NFKBIL1: variants seen among roughly 807,000 people sequenced by gnomAD.
NFKBIL1 encodes NF-kappa-B inhibitor-like protein 1.
In NFKBIL1, 30 loss-of-function variants were observed where a neutral mutation model predicts 45.4. The observed-to-expected ratio is 0.66, with a 90% CI of 0.49 to 0.90. NFKBIL1 has a LOEUF of 0.90. Ranked by LOEUF, NFKBIL1 falls within the 40% of genes least tolerant of loss-of-function variation. NFKBIL1 has a pLI of 0.00. For synonymous variants in NFKBIL1, 179 were observed against 197.3 expected, an observed-to-expected ratio of 0.91 and a Z score of 0.78; for missense variants, 434 against 513.4, an observed-to-expected ratio of 0.85 and a Z score of 1.49.
At chr6:31,553,524 C>T (rs1281621201) in intron 2 of NFKBIL1, among the ~76,000 whole-genome samples, 2 of 152,124 alleles carry the variant, frequency 1.3e-5, no homozygotes, top group South Asian at 4.1e-4. Flanking sequence ...GGCGGTATCA[C>T]GGTAAACTAC....
intron 2 of NFKBIL1, among the ~76,000 whole-genome samples, chr6:31,555,235 C>CTTTT (rs9279346): frequency 8.0e-5 from 10 of 125,196 alleles, no homozygotes; most frequent in Admixed American, 1.7e-4. Flanking sequence ...TATTTTTTTT[C>CTTTT]TTTTTTTTTT....
rs1017442981 is a variant in NFKBIL1 at position 31,558,031 on chromosome 6, C to T, written c.566C>T (p.Ser189Phe). The change falls in exon 4 of 4, where the codon TCC becomes TTC. Residue 189 changes from serine (S) to phenylalanine (F), a missense_variant. Around this residue, in one of 4 missense-constraint regions of NFKBIL1, gnomAD observed 231 missense variants for 264.1 expected, o/e 0.87. Transcript: ENST00000376148. The surrounding 1 kb of genome is among the most constrained non-coding windows in gnomAD (Gnocchi z 7.2). ...CCACCCTCCCAAACAGGTGATGCCT[C>T]CCATGAAACCCAGGAACCTGAGTCC... ...EVMGRFEGDA[S>F]HETQEPESFS... 5 of 1,588,812 alleles carry T rather than the reference C, an allele frequency of 3.1e-6. No homozygotes were observed. The highest frequency in any genetic ancestry group is 4.3e-6 in the Non-Finnish European group (5 of 1,162,772).
In NFKBIL1 at chr6:31,558,146, A is replaced by G; in HGVS notation, c.681A>G (p.Pro227=). ...QREAEGSRRP[P]RAEGSSQSWR... The stretch of plus-strand genomic sequence containing the variant: ...AAGCAGAGGGATCCCGTCGACCCCC[A>G]CGTGCTGAGGGCTCCAGCCAGAGCT... The change falls in exon 4 of 4, where the codon CCA becomes CCG. Residue 227 remains proline, a synonymous_variant. Coordinates refer to ENST00000376148, the MANE Select transcript of NFKBIL1 (RefSeq NM_005007.4). This position sits in a 1 kb window ranked among gnomAD's most constrained non-coding sequence, Gnocchi z 7.2. 1 of 1,611,656 alleles carries G rather than the reference A, an allele frequency of 6.2e-7. No homozygotes were observed. Among genetic ancestry groups the G allele is most frequent in the Non-Finnish European group, 8.5e-7 (1 of 1,179,556 alleles).
chr6:31,558,174 C>T lies in NFKBIL1; in HGVS notation c.709C>T (p.Arg237Ter). The T allele has an allele frequency of 6.2e-7, 1 of 1,609,818 alleles. No homozygotes were observed. Among genetic ancestry groups the T allele is most frequent in the Non-Finnish European group, 8.5e-7 (1 of 1,178,690 alleles). ...PRAEGSSQSWRQQEEEQRLFR... is the reference protein window; with the variant it reads ...PRAEGSSQSW ...TGCTGAGGGCTCCAGCCAGAGCTGG[C>T]GACAGCAGGAGGAGGAGCAGCGGCT... Residue 237 changes from arginine (R) to a stop codon, truncating the protein, a stop_gained, in exon 4 of 4, where the codon CGA (arginine) becomes TGA (stop). Transcript: ENST00000376148. LOFTEE classifies it high-confidence loss of function. The surrounding 1 kb of genome is among the most constrained non-coding windows in gnomAD (Gnocchi z 7.2).
At position 31,557,877 on chromosome 6, in the gene NFKBIL1, G is replaced by GC; in HGVS notation, c.556+31dup. On this transcript the variant is annotated intron_variant, in intron 3 of 3. Transcript: ENST00000376148. The surrounding 1 kb of genome is among the most constrained non-coding windows in gnomAD (Gnocchi z 5.4). ...GAGAAGTCCACTGCTATCCACAGCTGCCCTTCCCCACTGGCTGCTTTCCAT... is the reference window on the plus strand; with the variant it reads ...GAGAAGTCCACTGCTATCCACAGCTGCCCCTTCCCCACTGGCTGCTTTCCAT... 1 of 1,554,972 alleles carries GC rather than the reference G, an allele frequency of 6.4e-7. No homozygotes were observed. The highest frequency in any genetic ancestry group is 8.7e-7 in the Non-Finnish European group (1 of 1,143,758).
intron 2 of NFKBIL1, among the ~76,000 whole-genome samples, chr6:31,555,908 C>A (rs892453962): frequency 9.3e-5 from 14 of 151,270 alleles, no homozygotes; most frequent in African/African-American, 1.5e-4. Flanking sequence ...GTCCCCCCCC[C>A]CCAGCCTCCC....
intron 2 of NFKBIL1, among the ~76,000 whole-genome samples, chr6:31,556,202 G>A (rs915772768): frequency 1.4e-5 from 2 of 143,262 alleles, no homozygotes; most frequent in Non-Finnish European, 3.0e-5. Flanking sequence ...GTCTGTGACA[G>A]GTCACAGCAG....
intron 2 of NFKBIL1, among the ~76,000 whole-genome samples, chr6:31,550,577 G>A (rs2523500): frequency 0.69 from 104,287 of 151,990 alleles, 36,035 homozygotes; most frequent in South Asian, 0.77. Flanking sequence ...GCAAAAGAGC[G>A]GATTACCCCG....
At chr6:31,548,695 C>G (rs1769261178) in intron 2 of NFKBIL1, among the ~76,000 whole-genome samples, 1 of 152,182 alleles carries the variant, frequency 6.6e-6, no homozygotes, top group African/African-American at 2.4e-5. Flanking sequence ...TGTTTCTTGA[C>G]AGATTGTTTG....
chr6:31,558,636 C>T lies in NFKBIL1; in HGVS notation c.*25C>T, dbSNP rs1482819490. ...ACCCTAGGGAAGAAGCAAGAAACTT[C>T]GGGGCTGCAGCCTCAGGATGAGGCA... is the stretch of plus-strand genomic sequence containing the variant. On this transcript the variant is annotated 3_prime_UTR_variant, in exon 4 of 4. Coordinates refer to ENST00000376148, the MANE Select transcript of NFKBIL1 (RefSeq NM_005007.4). The surrounding 1 kb of genome is among the most constrained non-coding windows in gnomAD (Gnocchi z 7.2). 8.6e-6 allele frequency: 13 copies of T among 1,519,406 alleles called. 1 individual carries two copies. The highest frequency in any genetic ancestry group is 8.5e-5 in the South Asian group (7 of 82,388). 94.1% of individuals were successfully genotyped at this position (1,519,406 alleles called of 1,614,324 possible).
intron 2 of NFKBIL1, among the ~76,000 whole-genome samples, chr6:31,554,019 G>A (rs1455142142): frequency 1.3e-5 from 2 of 152,172 alleles, no homozygotes; most frequent in Non-Finnish European, 2.9e-5. Context: ...AGAAGAAAAT[G>A]CAGAGAATGT....
Position 31,557,746 on chromosome 6 carries a change from T to C in NFKBIL1, c.453T>C (p.Ala151=). ...GCTGGGGACCCCCCTGGGATTCTGCTGAAGAGGAGGAAGAAGATGATGCCT... is the reference window on the plus strand; with the variant it reads ...GCTGGGGACCCCCCTGGGATTCTGCCGAAGAGGAGGAAGAAGATGATGCCT... ...ILGWGPPWDS[A]EEEEEDDASK... is the part of the protein sequence containing the mutation. The change falls in exon 3 of 4, where the codon GCT becomes GCC. Residue 151 remains alanine (A), a synonymous_variant. Coordinates refer to ENST00000376148, the MANE Select transcript of NFKBIL1 (RefSeq NM_005007.4). The surrounding 1 kb of genome is among the most constrained non-coding windows in gnomAD (Gnocchi z 5.4). 6.2e-7 allele frequency: 1 copy of C among 1,612,400 alleles called. No individual in the cohort carries two copies.
chr6:31,548,950 C>T (rs143635849), intron 2 of NFKBIL1, among the ~76,000 whole-genome samples: 65 of 152,248 alleles, frequency 4.3e-4, no homozygotes, highest in African/African-American at 1.6e-3. Context: ...GATATTATCC[C>T]CCATTTCCCA....
intron 2 of NFKBIL1, among the ~76,000 whole-genome samples, chr6:31,554,129 G>T (rs1160844137): frequency 6.6e-6 from 1 of 152,096 alleles, no homozygotes; most frequent in Non-Finnish European, 1.5e-5. Context: ...ATTTTAGGCC[G>T]GGTGCGATAG....
intron 2 of NFKBIL1, among the ~76,000 whole-genome samples, chr6:31,554,446 A>G (rs1211510336): frequency 2.0e-5 from 3 of 152,180 alleles, no homozygotes; most frequent in Admixed American, 6.5e-5. Flanking sequence ...AAAGATAGAT[A>G]GAAGAAAATG....
chr6:31,555,158 T>C (rs1769645384), intron 2 of NFKBIL1, among the ~76,000 whole-genome samples: 2 of 151,438 alleles, frequency 1.3e-5, no homozygotes, highest in Non-Finnish European at 2.9e-5. Context: ...TCAAATAAAA[T>C]TGGGGGAAAA....
Position 31,548,384 on chromosome 6 carries a change from C to T in NFKBIL1, c.279C>T (p.His93=). The change falls in exon 2 of 4, where the codon CAC becomes CAT. Residue 93 remains histidine, a synonymous_variant. Transcript: ENST00000376148. The part of the protein sequence containing the change: ...LLLRLGADPA[H]QDRHGDTALH... ...TTCGGCTCGGGGCTGACCCTGCCCA[C>T]CAGGACCGCCATGGGGACACGGCAC... The T allele has an allele frequency of 5.1e-6, 8 of 1,559,384 alleles. No homozygotes were observed. The highest frequency in any genetic ancestry group is 6.9e-6 in the Non-Finnish European group (8 of 1,156,034).
chr6:31,558,745 G>T lies in NFKBIL1; in HGVS notation c.*134G>T. ...GAGGATATGGGTGGGAGCGAAAGTT[G>T]TAACAAGTGGGGGTGGGGGGTGCGG... On this transcript the variant is annotated 3_prime_UTR_variant, in exon 4 of 4. Transcript: ENST00000376148. This position sits in a 1 kb window ranked among gnomAD's most constrained non-coding sequence, Gnocchi z 7.2. 2 of 715,884 alleles carry T rather than the reference G, an allele frequency of 2.8e-6. No homozygotes were observed. The highest frequency in any genetic ancestry group is 2.2e-6 in the Non-Finnish European group (1 of 451,132). 44.3% of individuals were successfully genotyped at this position (715,884 alleles called of 1,614,324 possible). A position where few individuals can be genotyped will look rare whatever the true frequency, so the allele number is the denominator to read the frequency against.
At chr6:31,555,102 T>C (rs530877823) in intron 2 of NFKBIL1, among the ~76,000 whole-genome samples, 8 of 152,194 alleles carry the variant, frequency 5.3e-5, no homozygotes, top group Non-Finnish European at 1.0e-4. Context: ...CGTCCTTCTT[T>C]AAAAAGAAAA....
Sources: allele counts gnomAD v4.1 joint callset (sites outside exome capture counted in the v4.1 genomes callset), GRCh38; gene constraint gnomAD v4.1.1; regional missense constraint gnomAD v4.1.1; non-coding constraint Gnocchi (gnomAD v3.1); transcripts MANE v1.5; gene names NCBI Gene and HGNC (gene_info 2026-07-23, HGNC 2026-07-21).